The following TSPAN10 variants were observed in gnomAD, a reference collection of about 807,000 sequenced individuals.
The protein encoded by TSPAN10 is tetraspanin-10.
A neutral mutation model predicts 15.0 loss-of-function variants in TSPAN10; 11 were observed. That is an observed-to-expected ratio of 0.73 (90% CI 0.46 to 1.21). The LOEUF (loss-of-function observed/expected upper bound fraction) is 1.21. Ranked by LOEUF, TSPAN10 falls within the 50% of genes most tolerant of loss-of-function variation. TSPAN10 has a pLI of 0.00. For synonymous variants in TSPAN10, 241 were observed against 226.2 expected (o/e 1.07, Z -0.59); for missense variants, 486 against 470.6 (o/e 1.03, Z -0.30).
upstream of TSPAN10, among the ~76,000 whole-genome samples, chr17:81,640,471 A>G (rs2036168445): frequency 6.6e-6 from 1 of 151,728 alleles, no homozygotes. Context: ...TTATTTAGGG[A>G]TGGAGTCTTG....
At chr17:81,644,597 C>T (rs954063780) in intron 1 of TSPAN10, among the ~76,000 whole-genome samples, 5 of 152,190 alleles carry the variant, frequency 3.3e-5, no homozygotes, top group Non-Finnish European at 5.9e-5. Flanking sequence ...GACGCAGCCC[C>T]GCCTGTGTGC....
At chr17:81,639,774 C>G (rs904347035), upstream of TSPAN10, among the ~76,000 whole-genome samples, 10 of 150,656 alleles carry the variant, frequency 6.6e-5, no homozygotes, top group African/African-American at 2.4e-4. Flanking sequence ...GTCAGGAGAT[C>G]GAGACCATCC....
At chr17:81,647,723 A>C in intron 2 of TSPAN10, 178 bp from the exon 4 acceptor site, 1 of 675,124 alleles carries the variant, frequency 1.5e-6, no homozygotes, top group East Asian at 2.7e-5. Context: ...ATAGAGAGCC[A>C]GGTGCTGTGT....
exon 2 of TSPAN10, chr17:81,645,163 T>C (rs1369056258): frequency 6.4e-7 from 1 of 1,557,352 alleles, no homozygotes; most frequent in South Asian, 1.2e-5. Flanking sequence ...CCCTTCCCTC[T>C]CCCCAGGGAG....
chr17:81,644,805 G>A (rs925170170), intron 1 of TSPAN10, among the ~76,000 whole-genome samples, 187 bp from the exon 3 acceptor site: 4 of 152,200 alleles, frequency 2.6e-5, no homozygotes, highest in African/African-American at 4.8e-5. Flanking sequence ...CTGCTCAGCC[G>A]AGCGGGACGG....
rs71968441 is a variant in TSPAN10, at chr17:81,642,995, TTATATATATA to T, written c.36+565_36+574del. On this transcript the variant is annotated intron_variant, in intron 1 of 2. Coordinates refer to ENST00000611590, the Ensembl canonical transcript of TSPAN10. ...AGCGAGACCCTGTCTCTACAAAATATTATATATATATATATATATATATATATTTAGATAG... is the reference window on the plus strand; with the variant it reads ...AGCGAGACCCTGTCTCTACAAAATATTATATATATATATATATTTAGATAG... Among the ~76,000 whole-genome samples, 339 of 143,040 alleles carry T rather than the reference TTATATATATA, an allele frequency of 2.4e-3. 1 individual carries two copies. Among genetic ancestry groups the T allele is most frequent in the African/African-American group, 7.7e-3 (302 of 39,356 alleles). 93.8% of individuals were successfully genotyped at this position (143,040 alleles called of 152,430 possible).
At chr17:81,645,416 C>A in exon 2 of TSPAN10, 1 of 1,604,494 alleles carries the variant, frequency 6.2e-7, no homozygotes, top group Non-Finnish European at 8.5e-7. Flanking sequence ...CGTGGCTTCT[C>A]TGGGGGCATC....
intron 1 of TSPAN10, among the ~76,000 whole-genome samples, chr17:81,644,658 C>A (rs1227430485): frequency 6.6e-6 from 1 of 152,204 alleles, no homozygotes; most frequent in African/African-American, 2.4e-5. Context: ...GACACCCACG[C>A]ATAGGACCAG....
At chr17:81,648,059 G>A in exon 3 of TSPAN10, 1 of 1,568,862 alleles carries the variant, frequency 6.4e-7, no homozygotes, top group Non-Finnish European at 8.6e-7. Flanking sequence ...TACCTGGAGG[G>A]CTGCGGCCCG....
At chr17:81,639,596 TC>T (rs1233817239), upstream of TSPAN10, among the ~76,000 whole-genome samples, 8 of 151,948 alleles carry the variant, frequency 5.3e-5, no homozygotes, top group East Asian at 1.5e-3. Context: ...CTTTTTTTTT[TC>T]TTTTAAGGCT....
At chr17:81,648,352 C>T (rs1209020819), downstream of TSPAN10, 37 of 1,192,822 alleles carry the variant, frequency 3.1e-5, no homozygotes, top group South Asian at 4.2e-5. Context: ...CGCCTCCGCC[C>T]GGCTAAAAAG....
chr17:81,637,727 A>G (rs974630054), upstream of TSPAN10: 7 of 212,502 alleles, frequency 3.3e-5, no homozygotes, highest in Non-Finnish European at 2.9e-5. Flanking sequence ...TGAGGTCAGG[A>G]GTTCAAGACC....
At chr17:81,643,949 C>T (rs903527567) in intron 1 of TSPAN10, among the ~76,000 whole-genome samples, 3 of 152,024 alleles carry the variant, frequency 2.0e-5, no homozygotes, top group Non-Finnish European at 4.4e-5. Context: ...AAGCGATTCT[C>T]CTGCCTCAGC....
upstream of TSPAN10, among the ~76,000 whole-genome samples, chr17:81,641,496 C>T (rs552656113): frequency 2.0e-5 from 3 of 152,194 alleles, no homozygotes; most frequent in South Asian, 6.2e-4. Flanking sequence ...GTGACCTTTC[C>T]TCCTAAAACT....
upstream of TSPAN10, among the ~76,000 whole-genome samples, chr17:81,639,951 G>C (rs2036163444): frequency 6.6e-6 from 1 of 151,470 alleles, no homozygotes; most frequent in Non-Finnish European, 1.5e-5. Context: ...CTGCGCTCCA[G>C]CCTGGGCGAC....
chr17:81,639,200 C>CTTTTTTTTT (rs757994889), upstream of TSPAN10: 13 of 115,280 alleles, frequency 1.1e-4, 3 homozygotes, highest in Middle Eastern at 4.9e-3. Context: ...TTTGGAATTA[C>CTTTTTTTTT]TTTTCTTTTT....
At chr17:81,640,906 C>T (rs1413185773), upstream of TSPAN10, among the ~76,000 whole-genome samples, 1 of 152,074 alleles carries the variant, frequency 6.6e-6, no homozygotes, top group East Asian at 1.9e-4. Context: ...GGCGTGGTGG[C>T]TCACGCCTGT....
chr17:81,645,473 C>T (rs1444245577), exon 2 of TSPAN10: 3 of 1,580,638 alleles, frequency 1.9e-6, no homozygotes. Context: ...CTGGTGGTGG[C>T]CCTCTGGGGC....
intron 2 of TSPAN10, 150 bp downstream of exon 3, chr17:81,645,779 C>A: frequency 1.9e-6 from 2 of 1,026,910 alleles, no homozygotes; most frequent in Non-Finnish European, 2.9e-6. Flanking sequence ...ACACGCATAT[C>A]CACACTGGCA....
Sources: allele counts gnomAD v4.1 joint callset (sites outside exome capture counted in the v4.1 genomes callset), GRCh38; gene constraint gnomAD v4.1.1; transcripts MANE v1.5; gene names NCBI Gene and HGNC (gene_info 2026-07-23, HGNC 2026-07-21).